The following PIK3C3 variants were observed in gnomAD, a reference collection of about 807,000 sequenced individuals.
PIK3C3 encodes the protein PI3-kinase type 3.
PIK3C3 carries 95 observed loss-of-function variants against 126.1 expected under a neutral mutation model. The ratio of observed to expected loss-of-function variants is 0.75; its 90% confidence interval spans 0.64 to 0.89. PIK3C3 has a LOEUF of 0.89. Ranked by LOEUF, PIK3C3 falls within the 40% of genes least tolerant of loss-of-function variation. The pLI is 0.00. For synonymous variants in PIK3C3, 374 were observed against 360.0 expected (o/e 1.04, Z -0.44); for missense variants, 829 against 1,063.2 (o/e 0.78, Z 3.06).
Position 42,015,685 on chromosome 18 carries a change from A to G in PIK3C3, c.1416+119A>G, listed in dbSNP as rs185636119. On this transcript the variant is annotated intron_variant, in intron 12 of 24. Coordinates refer to ENST00000262039, the MANE Select transcript of PIK3C3 (RefSeq NM_002647.4). ...CTAAATATTACAACTTTATTAAATAACTTACTTTATGATGCACGTTTATAA... is the reference window on the plus strand; with the variant it reads ...CTAAATATTACAACTTTATTAAATAGCTTACTTTATGATGCACGTTTATAA... The G allele has an allele frequency of 5.6e-6, 4 of 716,540 alleles. No homozygotes were observed. The East Asian group carries it at 8.1e-5, about 14-fold the overall frequency. The allele number at this position is 716,540 out of a possible 1,614,324, so 44.4% of individuals were successfully genotyped here.
Position 41,962,543 on chromosome 18 carries a change from C to G in PIK3C3, c.312C>G (p.Ala104=). ...AATACCCTGACCTGCCCAGGAATGCCCAAGTGGCCCTCACCATATGGGATG... is the reference window on the plus strand; with the variant it reads ...AATACCCTGACCTGCCCAGGAATGCGCAAGTGGCCCTCACCATATGGGATG... ...PVKYPDLPRN[A]QVALTIWDVY... is the part of the protein sequence containing the mutation. Residue 104 remains alanine, a synonymous_variant, in exon 3 of 25, where the codon GCC becomes GCG. Coordinates refer to ENST00000262039, the MANE Select transcript of PIK3C3 (RefSeq NM_002647.4). 6.2e-7 allele frequency: 1 copy of G among 1,613,600 alleles called. No individual in the cohort carries two copies. Among genetic ancestry groups the G allele is most frequent in the Non-Finnish European group, 8.5e-7 (1 of 1,179,654 alleles).
rs778547783 is a variant in PIK3C3, at chr18:41,957,615, C to T, written c.114C>T (p.Val38=). ...GKREQKSYKA[V]LEDPMLKFSG... is the part of the protein sequence containing the mutation. ...GAGAACAAAAGAGTTATAAAGCTGT[C>T]CTGGAAGACCCAATGTTGAAGTTCT... The change falls in exon 2 of 25, where the codon GTC becomes GTT. Residue 38 remains valine (V), a synonymous_variant. Coordinates refer to ENST00000262039, the MANE Select transcript of PIK3C3 (RefSeq NM_002647.4). 5 of 1,612,962 alleles carry T rather than the reference C, an allele frequency of 3.1e-6. No individual in the cohort carries two copies. The highest frequency in any genetic ancestry group is 2.5e-6 in the Non-Finnish European group (3 of 1,179,652).
intron 12 of PIK3C3, among the ~76,000 whole-genome samples, chr18:42,015,815 G>A (rs1393247034): frequency 6.6e-6 from 1 of 152,044 alleles, no homozygotes; most frequent in Non-Finnish European, 1.5e-5. Context: ...AATAAACTAG[G>A]CTTAAATATT....
At chr18:42,014,531 C>T (rs1462334571) in intron 11 of PIK3C3, among the ~76,000 whole-genome samples, 1 of 152,106 alleles carries the variant, frequency 6.6e-6, no homozygotes, top group Non-Finnish European at 1.5e-5. Flanking sequence ...ATGTATCTTG[C>T]AAATGGTAGA....
intron 6 of PIK3C3, 81 bp downstream of exon 6, chr18:41,990,635 A>G (rs1159427411): frequency 2.6e-6 from 2 of 756,074 alleles, no homozygotes; most frequent in Non-Finnish European, 4.5e-6. Flanking sequence ...TCCTGCTGGG[A>G]TGAATTATTT....
chr18:42,076,654 A>T (rs1413040581), intron 24 of PIK3C3, among the ~76,000 whole-genome samples: 1 of 152,218 alleles, frequency 6.6e-6, no homozygotes, highest in Admixed American at 6.5e-5. Context: ...TGCAGCTTGT[A>T]AGATTAGTTA....
chr18:41,997,321 G>T (rs190844820), intron 9 of PIK3C3, among the ~76,000 whole-genome samples: 6 of 152,180 alleles, frequency 3.9e-5, no homozygotes, highest in Admixed American at 1.3e-4. Flanking sequence ...ATAACGGGTA[G>T]GTCAAAGCTC....
intron 10 of PIK3C3, among the ~76,000 whole-genome samples, chr18:42,011,393 T>G (rs1216209433): frequency 3.3e-5 from 5 of 152,252 alleles, no homozygotes; most frequent in African/African-American, 1.2e-4. Context: ...TTTGTGCTTT[T>G]ATGTTATGGA....
chr18:42,070,737 T>A (rs539029027), intron 24 of PIK3C3, among the ~76,000 whole-genome samples: 1 of 152,300 alleles, frequency 6.6e-6, no homozygotes, highest in African/African-American at 2.4e-5. Flanking sequence ...CTGCAAGGGT[T>A]GGTAAATGAA....
intron 2 of PIK3C3, among the ~76,000 whole-genome samples, chr18:41,959,826 G>T (rs1287360833): frequency 6.6e-6 from 1 of 152,066 alleles, no homozygotes; most frequent in Non-Finnish European, 1.5e-5. Context: ...GAGACTAAGA[G>T]AAAACATTTG....
intron 21 of PIK3C3, among the ~76,000 whole-genome samples, chr18:42,056,516 G>A (rs1544260): frequency 0.16 from 24,415 of 152,090 alleles, 2,118 homozygotes; most frequent in East Asian, 0.29. Flanking sequence ...ATCTGTTCAA[G>A]TATATTGGTA....
chr18:42,068,517 TTTGA>T (rs765221922), intron 24 of PIK3C3, among the ~76,000 whole-genome samples: 12 of 152,346 alleles, frequency 7.9e-5, no homozygotes, highest in East Asian at 3.9e-4. Flanking sequence ...CTTAATGCTC[TTTGA>T]TTGATCTTTC....
intron 24 of PIK3C3, among the ~76,000 whole-genome samples, chr18:42,073,741 G>A (rs975129443): frequency 1.4e-5 from 2 of 146,550 alleles, no homozygotes; most frequent in Non-Finnish European, 3.0e-5. Context: ...TTTTTAATTT[G>A]TATTCCTGTT....
At chr18:42,011,873 T>C (rs1337018742) in intron 10 of PIK3C3, among the ~76,000 whole-genome samples, 1 of 152,106 alleles carries the variant, frequency 6.6e-6, no homozygotes. Context: ...TGTCTTGGAA[T>C]AGGGAAGCCC....
At position 42,049,542 on chromosome 18, in the gene PIK3C3, G is replaced by A. The variant is rs1431988901; in HGVS notation, c.2200G>A (p.Val734Met). The change falls in exon 21 of 25, where the codon GTG (valine) becomes ATG (methionine). Residue 734 changes from valine to methionine, a missense_variant. This residue lies in a region of PIK3C3 where 196 missense variants were observed against 312.8 expected (regional missense o/e 0.63). Transcript: ENST00000262039. ...AACTGTTACTGCAGCTGGATATTGCGTGATCACCTATATACTTGGAGTTGG... is the reference window on the plus strand; with the variant it reads ...AACTGTTACTGCAGCTGGATATTGCATGATCACCTATATACTTGGAGTTGG... ...TYVKSCAGYC[V>M]ITYILGVGDR... 2.5e-6 allele frequency: 4 copies of A among 1,612,702 alleles called. No individual in the cohort carries two copies. Among genetic ancestry groups the A allele is most frequent in the East Asian group, 2.2e-5 (1 of 44,842 alleles).
intron 4 of PIK3C3, among the ~76,000 whole-genome samples, chr18:41,982,696 C>T (rs891508295): frequency 6.6e-6 from 1 of 152,162 alleles, no homozygotes; most frequent in African/African-American, 2.4e-5. Flanking sequence ...TCACCCCAGT[C>T]TACCTACCAC....
At chr18:42,048,843 C>G (rs1984668833) in intron 20 of PIK3C3, among the ~76,000 whole-genome samples, 1 of 151,916 alleles carries the variant, frequency 6.6e-6, no homozygotes, top group Non-Finnish European at 1.5e-5. Context: ...TGTTTGTTGT[C>G]AGGTTATTAA....
chr18:41,978,745 C>G (rs527776341), intron 4 of PIK3C3, among the ~76,000 whole-genome samples: 1 of 152,004 alleles, frequency 6.6e-6, no homozygotes, highest in African/African-American at 2.4e-5. Context: ...TAATTGAAAA[C>G]CAAGATTGTT....
At chr18:42,038,266 G>T in intron 17 of PIK3C3, among the ~76,000 whole-genome samples, 1 of 152,012 alleles carries the variant, frequency 6.6e-6, no homozygotes. Flanking sequence ...AGCTGACAGA[G>T]ATTTAGAGTA....
Sources: gnomAD v4.1 joint callset for allele counts (sites outside exome capture counted in the v4.1 genomes callset) on GRCh38, gnomAD v4.1.1 for gene constraint, gnomAD v4.1.1 regional missense constraint, MANE v1.5 for transcripts, NCBI Gene and HGNC (gene_info 2026-07-23, HGNC 2026-07-21) for gene names.